Variants in FRYL observed in about 807,000 individuals in gnomAD.
FRYL encodes FRY like transcription coactivator.
A neutral mutation model predicts 351.2 loss-of-function variants in FRYL; 150 were observed. The ratio of observed to expected loss-of-function variants is 0.43; its 90% confidence interval spans 0.37 to 0.49. The LOEUF (loss-of-function observed/expected upper bound fraction) is 0.49, where lower values mean the gene tolerates loss of function less well. FRYL is among the 20% of genes least tolerant of loss of function. The pLI, the probability that FRYL is intolerant of heterozygous loss-of-function variation, is 0.00. For missense variants in FRYL, 3,036 were observed against 3,619.3 expected, an observed-to-expected ratio of 0.84 and a Z score of 4.13; for synonymous variants, 1,153 against 1,257.1, an observed-to-expected ratio of 0.92 and a Z score of 1.75.
intron 1 of FRYL, among the ~76,000 whole-genome samples, chr4:48,751,652 G>C (rs1773259623): frequency 1.3e-5 from 2 of 152,192 alleles, no homozygotes; most frequent in South Asian, 4.1e-4. Context: ...CAGAAAACTA[G>C]TGAGTTCCAT....
chr4:48,606,439 T>C lies in FRYL; in HGVS notation c.740A>G (p.Gln247Arg). The part of the protein sequence containing the change: ...EDFEASFQFM[Q>R]ECAQYFLEVK... ...ACTGTCATTTAGAAGGTATATCACC[T>C]GCATAAATTGAAATGATGCTTCAAA... The change falls in exon 10 of 64, where the codon CAG (glutamine) becomes CGG (arginine). Residue 247 changes from glutamine (Q) to arginine (R), a missense_variant and splice_region_variant. By Grantham distance (43) the Gln-to-Arg change is conservative. This residue lies in a region of FRYL where 457 missense variants were observed against 566.6 expected (regional missense o/e 0.81). Coordinates refer to ENST00000358350, the MANE Select transcript of FRYL (RefSeq NM_015030.2). 6.2e-7 allele frequency: 1 copy of C among 1,603,780 alleles called. No homozygotes were observed. The highest frequency in any genetic ancestry group is 8.5e-7 in the Non-Finnish European group (1 of 1,172,066).
At chr4:48,688,840 T>G (rs1293322068) in intron 2 of FRYL, among the ~76,000 whole-genome samples, 1 of 151,956 alleles carries the variant, frequency 6.6e-6, no homozygotes, top group Non-Finnish European at 1.5e-5. Flanking sequence ...TTTTTTGTAT[T>G]TTTAGTAGAG....
At chr4:48,739,400 C>CAAA (rs1370572101) in intron 1 of FRYL, among the ~76,000 whole-genome samples, 4 of 33,616 alleles carry the variant, frequency 1.2e-4, no homozygotes, top group Admixed American at 3.7e-4. Context: ...GACTCCGTCT[C>CAAA]AAAAAAAAAA....
intron 3 of FRYL, among the ~76,000 whole-genome samples, chr4:48,676,091 A>C (rs764135320): frequency 6.6e-6 from 1 of 152,162 alleles, no homozygotes; most frequent in African/African-American, 2.4e-5. Context: ...CACGGTGTCA[A>C]AACAGGCCAC....
At chr4:48,658,423 G>A (rs1008824125) in intron 3 of FRYL, among the ~76,000 whole-genome samples, 6 of 151,766 alleles carry the variant, frequency 4.0e-5, no homozygotes, top group African/African-American at 1.5e-4. Context: ...CTCTTTTCTG[G>A]AGTTTAGAAA....
At chr4:48,634,832 A>G (rs779350577) in intron 3 of FRYL, among the ~76,000 whole-genome samples, 4 of 152,178 alleles carry the variant, frequency 2.6e-5, no homozygotes. Context: ...GAATGAATGA[A>G]TGGATTCTAA....
At position 48,546,180 on chromosome 4, in the gene FRYL, T is replaced by C. The variant is rs1731294177; in HGVS notation, c.5166A>G (p.Leu1722=). 6.2e-7 allele frequency: 1 copy of C among 1,613,724 alleles called. No individual in the cohort carries two copies. The highest frequency in any genetic ancestry group is 8.5e-7 in the Non-Finnish European group (1 of 1,179,788). Residue 1722 remains leucine, a synonymous_variant, in exon 42 of 64, where the codon TTA becomes TTG. Coordinates refer to ENST00000358350, the MANE Select transcript of FRYL (RefSeq NM_015030.2). ...GTGAAATGGCAGCACTGTTATTTCC[T>C]AAGCTGATACTAGAAGAGGTAGAAC... is the stretch of plus-strand genomic sequence containing the variant. ...SSSSTSSSIS[L]GNNSAAISHL... is the part of the protein sequence containing the mutation.
chr4:48,557,031 G>A lies in FRYL; in HGVS notation c.4213C>T (p.His1405Tyr), dbSNP rs1441516942. Residue 1405 changes from histidine to tyrosine, a missense_variant, in exon 35 of 64, where the codon CAC becomes TAC. By Grantham distance (83) the His-to-Tyr change is moderately conservative (BLOSUM62 2). This residue lies in a region of FRYL where 1,987 missense variants were observed against 2,311.7 expected (regional missense o/e 0.86). Coordinates refer to ENST00000358350, the MANE Select transcript of FRYL (RefSeq NM_015030.2). ...GWPKNLKIIL[H>Y]FLISICGVNS... ...ACCCCACAAATGCTGATCAAAAAGT[G>A]CAAAATTATTTTCAGGTTTTTGGGC... The A allele has an allele frequency of 6.2e-7, 1 of 1,608,652 alleles. No individual in the cohort carries two copies.
chr4:48,661,833 C>T (rs1163587327), intron 3 of FRYL, among the ~76,000 whole-genome samples: 1 of 151,492 alleles, frequency 6.6e-6, no homozygotes, highest in Non-Finnish European at 1.5e-5. Context: ...TAAATAAGTT[C>T]CAGGATGTAA....
chr4:48,686,915 C>T (rs1765199469), intron 2 of FRYL, among the ~76,000 whole-genome samples: 2 of 152,084 alleles, frequency 1.3e-5, no homozygotes, highest in Admixed American at 1.3e-4. Flanking sequence ...CGACTTTTCG[C>T]TTTTGATAAG....
chr4:48,506,951 A>T (rs1023010697), intron 59 of FRYL, among the ~76,000 whole-genome samples: 1 of 152,118 alleles, frequency 6.6e-6, no homozygotes, highest in Non-Finnish European at 1.5e-5. Context: ...GATGGCAGCC[A>T]TTGTCAAAAG....
Position 48,540,382 on chromosome 4 carries a change from T to A in FRYL, c.6266A>T (p.His2089Leu). 1 of 1,613,810 alleles carries A rather than the reference T, an allele frequency of 6.2e-7. No individual in the cohort carries two copies. Among genetic ancestry groups the A allele is most frequent in the Admixed American group, 1.7e-5 (1 of 59,996 alleles). ...LLSKLISVSK[H>L]TLVDPSQLSG... The stretch of plus-strand genomic sequence containing the variant: ...CAATTGGGAAGGATCCACCAATGTA[T>A]GTTTGGAGACAGAAATGAGTTTACT... The change falls in exon 46 of 64, where the codon CAT (histidine) becomes CTT (leucine). Residue 2089 changes from histidine to leucine, a missense_variant. Physicochemically the swap from His to Leu is moderately conservative, Grantham distance 99. Coordinates refer to ENST00000358350, the MANE Select transcript of FRYL (RefSeq NM_015030.2).
chr4:48,634,649 T>C (rs1280235677), intron 3 of FRYL, among the ~76,000 whole-genome samples, 159 bp from the exon 4 acceptor site: 1 of 152,180 alleles, frequency 6.6e-6, no homozygotes, highest in African/African-American at 2.4e-5. Context: ...CATACTAACA[T>C]ATTTATAATT....
At chr4:48,739,116 A>C (rs1771759936) in intron 1 of FRYL, among the ~76,000 whole-genome samples, 1 of 151,986 alleles carries the variant, frequency 6.6e-6, no homozygotes, top group Non-Finnish European at 1.5e-5. Context: ...AAATGTATCA[A>C]CTGGCTGGGC....
Position 48,542,072 on chromosome 4 carries a change from A to G in FRYL, c.5642T>C (p.Leu1881Ser), listed in dbSNP as rs745965542. The G allele has an allele frequency of 3.8e-5, 61 of 1,613,960 alleles. No homozygotes were observed. The East Asian group carries it at 1.3e-3, about 35-fold the overall frequency. The change falls in exon 45 of 64, where the codon TTG (leucine) becomes TCG (serine). Residue 1881 changes from leucine to serine, a missense_variant. Leu to Ser is a moderately radical substitution (Grantham distance 145, BLOSUM62 -2). This residue lies in a region of FRYL where 1,987 missense variants were observed against 2,311.7 expected (regional missense o/e 0.86). Transcript: ENST00000358350. ...ATCATAATGCTTCATGGTTTCAGCC[A>G]AAGTATCAATTGCAGATTCCAATGT... ...LLTLESAIDTLAETMKHYDLL... is the reference protein window; with the variant it reads ...LLTLESAIDTSAETMKHYDLL...
intron 1 of FRYL, among the ~76,000 whole-genome samples, chr4:48,778,488 G>A (rs1482744072): frequency 6.6e-6 from 1 of 152,200 alleles, no homozygotes; most frequent in African/African-American, 2.4e-5. Flanking sequence ...CACACCCACT[G>A]CTACTTTGTT....
intron 59 of FRYL, 70 bp from the exon 60 acceptor site, chr4:48,505,685 A>G (rs1165216834): frequency 1.3e-5 from 12 of 910,808 alleles, no homozygotes; most frequent in African/African-American, 1.7e-5. Context: ...GTCCATATAC[A>G]ACACCAAACT....
At chr4:48,503,843 T>C (rs1293872042) in intron 60 of FRYL, among the ~76,000 whole-genome samples, 4 of 152,206 alleles carry the variant, frequency 2.6e-5, no homozygotes. Context: ...GCATATTCCA[T>C]ATCTAAATTT....
intron 16 of FRYL, among the ~76,000 whole-genome samples, chr4:48,592,930 GAAAAT>G (rs1743753541): frequency 6.6e-6 from 1 of 151,996 alleles, no homozygotes; most frequent in African/African-American, 2.4e-5. Context: ...AAATAAATAA[GAAAAT>G]AAACAGATAA....
Sources: allele counts gnomAD v4.1 joint callset (sites outside exome capture counted in the v4.1 genomes callset), GRCh38; gene constraint gnomAD v4.1.1; regional missense constraint gnomAD v4.1.1; transcripts MANE v1.5; gene names NCBI Gene and HGNC (gene_info 2026-07-23, HGNC 2026-07-21).